Variants in ZEB1 observed in about 807,000 individuals in gnomAD.
ZEB1 encodes the protein zinc finger E-box-binding homeobox 1.
Under a neutral mutation model 84.9 loss-of-function variants are expected in ZEB1, and 21 were observed. That is an observed-to-expected ratio of 0.25 (90% CI 0.18 to 0.36). The LOEUF (loss-of-function observed/expected upper bound fraction) is 0.36. Among genes scored for constraint, ZEB1 ranks in the 10% least tolerant of loss-of-function variants. ZEB1 has a pLI of 1.00. For missense variants in ZEB1, 1,104 were observed against 1,330.2 expected (o/e 0.83, Z 2.65); for synonymous variants, 420 against 471.1 (o/e 0.89, Z 1.41).
intron 2 of ZEB1, among the ~76,000 whole-genome samples, chr10:31,469,634 G>C (rs1444552271): frequency 2.6e-5 from 4 of 152,230 alleles, no homozygotes; most frequent in Non-Finnish European, 5.9e-5. Context: ...CGAGGCTGGG[G>C]GAGGGGCGCC....
chr10:31,446,602 G>A (rs2059813953), intron 1 of ZEB1, among the ~76,000 whole-genome samples: 5 of 151,422 alleles, frequency 3.3e-5, no homozygotes. Flanking sequence ...CAGAGATTCT[G>A]GTATGTTGTG....
At chr10:31,429,271 TC>T (rs1293809511) in intron 1 of ZEB1, among the ~76,000 whole-genome samples, 4 of 152,196 alleles carry the variant, frequency 2.6e-5, no homozygotes, top group Non-Finnish European at 4.4e-5. Context: ...GGTAACAAAT[TC>T]AGCATTTGCT....
At chr10:31,357,231 T>G (rs1231955794) in intron 1 of ZEB1, among the ~76,000 whole-genome samples, 1 of 152,196 alleles carries the variant, frequency 6.6e-6, no homozygotes, top group Non-Finnish European at 1.5e-5. Flanking sequence ...GTCCTGAGAA[T>G]AATTTTCATA....
chr10:31,499,699 AG>A, intron 3 of ZEB1, among the ~76,000 whole-genome samples: 1 of 152,198 alleles, frequency 6.6e-6, no homozygotes, highest in South Asian at 2.1e-4. Flanking sequence ...CAGGAGGTGG[AG>A]GTTGCAGTGA....
chr10:31,423,984 A>C (rs1444115650), intron 1 of ZEB1, among the ~76,000 whole-genome samples: 1 of 152,008 alleles, frequency 6.6e-6, no homozygotes, highest in African/African-American at 2.4e-5. Context: ...AGTATACTTC[A>C]TACAAAGCCA....
intron 1 of ZEB1, among the ~76,000 whole-genome samples, chr10:31,368,942 C>T (rs2045139976): frequency 6.6e-6 from 1 of 152,174 alleles, no homozygotes; most frequent in African/African-American, 2.4e-5. Context: ...GCATGTTGTG[C>T]TTTGCTAGAA....
Position 31,467,100 on chromosome 10 carries a change from G to A in ZEB1, c.259+5863G>A, listed in dbSNP as rs554692291. 2.6e-5 allele frequency among the ~76,000 whole-genome samples: 4 copies of A among 152,246 alleles called. No homozygotes were observed. In the East Asian group the frequency reaches 7.7e-4, roughly 29 times the overall value. ...CAACACTGCTGGCTCAGTATTGCCA[G>A]ACACCTTAGGACCAGAATGGACCCA... On this transcript the variant is annotated intron_variant, in intron 2 of 8. Coordinates refer to ENST00000424869, the MANE Select transcript of ZEB1 (RefSeq NM_001174096.2).
intron 2 of ZEB1, among the ~76,000 whole-genome samples, chr10:31,488,717 GT>G (rs1271948974): frequency 3.3e-5 from 5 of 150,718 alleles, no homozygotes; most frequent in Admixed American, 1.3e-4. Context: ...AGATTTTGAT[GT>G]TTTTTATTTC....
chr10:31,509,599 G>T (rs923371634), intron 4 of ZEB1, among the ~76,000 whole-genome samples: 1 of 152,074 alleles, frequency 6.6e-6, no homozygotes, highest in Admixed American at 6.5e-5. Context: ...TAACATTCAG[G>T]TGCTCAGTCT....
At chr10:31,321,348 G>A in intron 1 of ZEB1, 1 of 1,478,354 alleles carries the variant, frequency 6.8e-7, no homozygotes, top group East Asian at 2.3e-5. Flanking sequence ...ATAAACACTT[G>A]CATTTTAAAG....
chr10:31,446,900 G>C (rs537777773), intron 1 of ZEB1, among the ~76,000 whole-genome samples: 2 of 152,164 alleles, frequency 1.3e-5, no homozygotes, highest in African/African-American at 4.8e-5. Flanking sequence ...TTGATTTGGG[G>C]TGGAGAGTTC....
intron 1 of ZEB1, chr10:31,319,778 C>A (rs1190093983): frequency 6.5e-6 from 1 of 153,486 alleles, no homozygotes; most frequent in Non-Finnish European, 1.4e-5. Flanking sequence ...GCGGAACAAA[C>A]TTGTGCCCGG....
intron 1 of ZEB1, among the ~76,000 whole-genome samples, chr10:31,394,899 A>G (rs1285672161): frequency 1.3e-5 from 2 of 152,130 alleles, no homozygotes; most frequent in East Asian, 1.9e-4. Flanking sequence ...GTGGGTATAT[A>G]GAGAGATATT....
chr10:31,457,385 C>T (rs901804172), intron 1 of ZEB1, among the ~76,000 whole-genome samples: 1 of 152,032 alleles, frequency 6.6e-6, no homozygotes, highest in Non-Finnish European at 1.5e-5. Flanking sequence ...ATTTAAGTTT[C>T]AGTCATTAAT....
intron 3 of ZEB1, among the ~76,000 whole-genome samples, chr10:31,500,848 C>T (rs553458862): frequency 3.9e-5 from 6 of 152,240 alleles, no homozygotes; most frequent in African/African-American, 1.2e-4. Flanking sequence ...TAAAAGTCTT[C>T]GCTTACCTCT....
At chr10:31,364,275 T>C (rs1010551260) in intron 1 of ZEB1, among the ~76,000 whole-genome samples, 13 of 152,162 alleles carry the variant, frequency 8.5e-5, no homozygotes, top group Non-Finnish European at 1.2e-4. Context: ...CCGGTCCAGC[T>C]GGACTCTAGC....
At chr10:31,366,881 C>A (rs1272117224) in intron 1 of ZEB1, among the ~76,000 whole-genome samples, 2 of 152,100 alleles carry the variant, frequency 1.3e-5, no homozygotes, top group South Asian at 2.1e-4. Flanking sequence ...TTTCCCAGTG[C>A]GATTCCAGGA....
At chr10:31,467,428 T>C in intron 2 of ZEB1, among the ~76,000 whole-genome samples, 1 of 152,058 alleles carries the variant, frequency 6.6e-6, no homozygotes, top group East Asian at 1.9e-4. Context: ...CAATTCAGGA[T>C]CCACCACCAT....
rs117011396 is a variant in ZEB1 at position 31,337,102 on chromosome 10, C to G, written c.58+17810C>G. Among the ~76,000 whole-genome samples the G allele has an allele frequency of 4.7e-3, 712 of 152,112 alleles. 2 individuals carry two copies. Among genetic ancestry groups the G allele is most frequent in the Non-Finnish European group, 8.1e-3 (554 of 67,980 alleles). ...TATATTTATACAATGGAATGCAACA[C>G]AATACTGAAAAATGAATGAATTACA... is the stretch of plus-strand genomic sequence containing the variant. On this transcript the variant is annotated intron_variant, in intron 1 of 8. Transcript: ENST00000424869.
Sources: gnomAD v4.1 joint callset for allele counts (sites outside exome capture counted in the v4.1 genomes callset) on GRCh38, gnomAD v4.1.1 for gene constraint, MANE v1.5 for transcripts, NCBI Gene and HGNC (gene_info 2026-07-23, HGNC 2026-07-21) for gene names.